Variants in SNTG1 observed in about 807,000 individuals in gnomAD.
SNTG1 encodes the protein gamma-1-syntrophin.
Under a neutral mutation model 74.7 loss-of-function variants are expected in SNTG1, and 39 were observed. That is an observed-to-expected ratio of 0.52 (90% CI 0.40 to 0.68). The LOEUF (loss-of-function observed/expected upper bound fraction) is 0.68. SNTG1 is among the 30% of genes least tolerant of loss of function. SNTG1 has a pLI of 0.00. For synonymous variants in SNTG1, 254 were observed against 217.1 expected (o/e 1.17, Z -1.49); for missense variants, 685 against 609.5 (o/e 1.12, Z -1.30).
intron 1 of SNTG1, among the ~76,000 whole-genome samples, chr8:50,135,543 C>A (rs948241047): frequency 6.6e-6 from 1 of 151,994 alleles, no homozygotes; most frequent in Admixed American, 6.6e-5. Context: ...CTATTTAATT[C>A]TTGTTTATAT....
At chr8:50,157,258 A>G (rs1311690824) in intron 1 of SNTG1, among the ~76,000 whole-genome samples, 1 of 152,108 alleles carries the variant, frequency 6.6e-6, no homozygotes, top group Non-Finnish European at 1.5e-5. Context: ...AAATTAATCT[A>G]TGATGATGAA....
intron 16 of SNTG1, among the ~76,000 whole-genome samples, chr8:50,705,461 C>T (rs569221513): frequency 6.6e-6 from 1 of 151,996 alleles, no homozygotes; most frequent in Non-Finnish European, 1.5e-5. Context: ...ATTAGAAATA[C>T]AATATAGGAA....
intron 8 of SNTG1, among the ~76,000 whole-genome samples, chr8:50,456,378 T>A (rs2093505390): frequency 6.6e-6 from 1 of 152,016 alleles, no homozygotes; most frequent in Non-Finnish European, 1.5e-5. Flanking sequence ...ACCTTATAAC[T>A]AATAGAGGCT....
intron 1 of SNTG1, among the ~76,000 whole-genome samples, chr8:49,922,231 C>T (rs773865273): frequency 6.6e-6 from 1 of 152,092 alleles, no homozygotes; most frequent in African/African-American, 2.4e-5. Context: ...TTGTCTGATA[C>T]TCAAATTTCT....
chr8:50,367,808 C>A (rs1191559270), intron 2 of SNTG1, among the ~76,000 whole-genome samples: 1 of 152,090 alleles, frequency 6.6e-6, no homozygotes, highest in East Asian at 1.9e-4. Flanking sequence ...CACATGCACC[C>A]TACTGGTTTT....
chr8:50,530,301 C>T (rs760644102), intron 10 of SNTG1, 42 bp downstream of exon 10: 2 of 1,571,596 alleles, frequency 1.3e-6, no homozygotes, highest in Non-Finnish European at 8.7e-7. Flanking sequence ...AAGGAGATAA[C>T]ACATAGCTTA....
chr8:49,974,000 G>T (rs1048689272), intron 1 of SNTG1, among the ~76,000 whole-genome samples: 1 of 152,128 alleles, frequency 6.6e-6, no homozygotes, highest in Non-Finnish European at 1.5e-5. Context: ...TATGTCGTTA[G>T]AATGTTAGGC....
intron 2 of SNTG1, among the ~76,000 whole-genome samples, chr8:50,353,217 G>C (rs1402725375): frequency 7.1e-6 from 1 of 141,836 alleles, no homozygotes; most frequent in Non-Finnish European, 1.5e-5. Context: ...AGAACACATG[G>C]ACACAGGAAG....
intron 3 of SNTG1, among the ~76,000 whole-genome samples, chr8:50,399,003 A>G (rs2092766234): frequency 6.6e-6 from 1 of 152,212 alleles, no homozygotes; most frequent in Non-Finnish European, 1.5e-5. Flanking sequence ...TATCTAATTA[A>G]TGTCTGATTC....
At chr8:50,451,019 G>A (rs2093451850) in intron 8 of SNTG1, among the ~76,000 whole-genome samples, 1 of 151,958 alleles carries the variant, frequency 6.6e-6, no homozygotes. Flanking sequence ...ACACCACTGG[G>A]CGAAATACAT....
At chr8:50,434,487 C>CT (rs36190359) in intron 4 of SNTG1, among the ~76,000 whole-genome samples, 137,587 of 152,122 alleles carry the variant, frequency 0.9, 62,485 homozygotes, top group Non-Finnish European at 0.96. Context: ...AATGTTTGAA[C>CT]AGTTTACAGT....
chr8:49,994,951 G>A (rs1814066031), intron 1 of SNTG1, among the ~76,000 whole-genome samples: 1 of 152,118 alleles, frequency 6.6e-6, no homozygotes. Context: ...GAATGTAAGT[G>A]CTAGGAAAAA....
intron 11 of SNTG1, among the ~76,000 whole-genome samples, chr8:50,550,005 T>C (rs80319411): frequency 0.21 from 31,550 of 152,166 alleles, 4,041 homozygotes; most frequent in African/African-American, 0.35. Flanking sequence ...CCTTATTAAA[T>C]CTGTAAATTG....
chr8:50,106,396 T>G (rs1390540790), intron 1 of SNTG1, among the ~76,000 whole-genome samples: 1 of 152,116 alleles, frequency 6.6e-6, no homozygotes, highest in Non-Finnish European at 1.5e-5. Flanking sequence ...GAATTATAAT[T>G]CAACATGAGA....
intron 1 of SNTG1, among the ~76,000 whole-genome samples, chr8:50,038,815 T>C (rs900671257): frequency 6.6e-6 from 1 of 152,236 alleles, no homozygotes; most frequent in African/African-American, 2.4e-5. Flanking sequence ...GTGAATGACA[T>C]ACCAGGACTC....
intron 5 of SNTG1, among the ~76,000 whole-genome samples, chr8:50,440,265 A>G (rs2093346298): frequency 6.6e-6 from 1 of 151,820 alleles, no homozygotes; most frequent in African/African-American, 2.4e-5. Context: ...AAACATCAAG[A>G]CTTTTATTTA....
chr8:50,796,374 T>C lies in SNTG1; in HGVS notation c.*3545T>C, dbSNP rs1382078493. On this transcript the variant is annotated 3_prime_UTR_variant, in exon 19 of 19. Transcript: ENST00000642720. ...TATTCATACTTCTAAAATTGTTCTT[T>C]ATTGTTTATTCTTACTACCGAATAC... The C allele has an allele frequency of 6.6e-6, 1 of 151,984 alleles. No individual in the cohort carries two copies. The highest frequency in any genetic ancestry group is 2.4e-5 in the African/African-American group (1 of 41,432). The allele number at this position is 151,984 out of a possible 1,614,324, so 9.4% of individuals were successfully genotyped here. A position where few individuals can be genotyped will look rare whatever the true frequency, so the allele number is the denominator to read the frequency against.
chr8:50,516,568 G>C (rs1563510993), intron 9 of SNTG1, among the ~76,000 whole-genome samples: 1 of 152,174 alleles, frequency 6.6e-6, no homozygotes, highest in African/African-American at 2.4e-5. Flanking sequence ...TAGAGGAATT[G>C]CTAACTAGAA....
chr8:50,179,429 C>A (rs991541336), intron 2 of SNTG1, among the ~76,000 whole-genome samples: 2 of 151,860 alleles, frequency 1.3e-5, no homozygotes, highest in Non-Finnish European at 2.9e-5. Context: ...AACTTTCAAG[C>A]CATAAACATT....
Sources: gnomAD v4.1 joint callset for allele counts (sites outside exome capture counted in the v4.1 genomes callset) on GRCh38, gnomAD v4.1.1 for gene constraint, MANE v1.5 for transcripts, NCBI Gene and HGNC (gene_info 2026-07-23, HGNC 2026-07-21) for gene names.